STK33: variants seen among roughly 807,000 people sequenced by gnomAD.
The protein encoded by STK33 is serine/threonine-protein kinase 33.
In STK33, 52 loss-of-function variants were observed where a neutral mutation model predicts 58.0. The observed-to-expected ratio is 0.90, with a 90% CI of 0.72 to 1.13. STK33 has a LOEUF of 1.13. STK33 is among the 50% of genes most tolerant of loss of function. The probability of loss-of-function intolerance (pLI) is 0.00; values close to 1 mark genes in which losing one functional copy is unlikely to be tolerated. For synonymous variants in STK33, 215 were observed against 200.1 expected, an observed-to-expected ratio of 1.07 and a Z score of -0.63; for missense variants, 630 against 604.2, an observed-to-expected ratio of 1.04 and a Z score of -0.45.
intron 8 of STK33, among the ~76,000 whole-genome samples, chr11:8,459,351 G>A (rs1368769772): frequency 1.3e-5 from 2 of 151,972 alleles, no homozygotes; most frequent in Non-Finnish European, 1.5e-5. Flanking sequence ...ATGAGGCAGA[G>A]GGTGTCAGAC....
In STK33 at chr11:8,464,878, A is replaced by G. The variant is rs1947991864; in HGVS notation, c.340-56T>C. On this transcript the variant is annotated intron_variant, in intron 6 of 15. Coordinates refer to ENST00000687296, the MANE Select transcript of STK33 (RefSeq NM_001352389.2). The stretch of plus-strand genomic sequence containing the variant: ...CTATGCCATTCATCAGCTATTAAAA[A>G]TGAACATATAATACTGACAGATACT... The G allele has an allele frequency of 3.5e-6, 4 of 1,150,058 alleles. No individual in the cohort carries two copies. In the East Asian group the frequency reaches 9.4e-5, roughly 27 times the overall value. 71.2% of individuals were successfully genotyped at this position (1,150,058 alleles called of 1,614,324 possible). A position where few individuals can be genotyped will look rare whatever the true frequency, so the allele number is the denominator to read the frequency against.
intron 6 of STK33, chr11:8,467,127 G>C (rs1948281237): frequency 6.6e-6 from 1 of 152,196 alleles, no homozygotes; most frequent in Non-Finnish European, 1.5e-5. Flanking sequence ...ACATGCCCTG[G>C]AGACATTTTT....
intron 15 of STK33, among the ~76,000 whole-genome samples, chr11:8,398,369 T>C (rs922213375): frequency 6.6e-6 from 1 of 152,178 alleles, no homozygotes; most frequent in African/African-American, 2.4e-5. Flanking sequence ...CTAAGTTTCA[T>C]AAGTGAAAGA....
At chr11:8,570,709 G>T (rs147070208) in intron 1 of STK33, among the ~76,000 whole-genome samples, 3 of 152,194 alleles carry the variant, frequency 2.0e-5, no homozygotes, top group African/African-American at 7.2e-5. Flanking sequence ...GAGGAGGGCC[G>T]AGAGAGGCAG....
intron 1 of STK33, among the ~76,000 whole-genome samples, chr11:8,506,009 T>C (rs1167022756): frequency 1.3e-5 from 2 of 152,200 alleles, no homozygotes; most frequent in Non-Finnish European, 2.9e-5. Context: ...AAGCTTTTGG[T>C]AAACTGCAAA....
the STK33 span, among the ~76,000 whole-genome samples, chr11:8,382,425 G>A: frequency 6.6e-6 from 1 of 152,266 alleles, no homozygotes; most frequent in Non-Finnish European, 1.5e-5. Flanking sequence ...AGTGGACAAG[G>A]ACATGTGTGA....
chr11:8,558,338 A>T (rs1408469654), intron 1 of STK33, among the ~76,000 whole-genome samples: 1 of 151,958 alleles, frequency 6.6e-6, no homozygotes, highest in African/African-American at 2.4e-5. Flanking sequence ...AAATGGCACA[A>T]ACAAGGACTT....
At chr11:8,498,913 C>A (rs192498605) in intron 1 of STK33, among the ~76,000 whole-genome samples, 1 of 152,246 alleles carries the variant, frequency 6.6e-6, no homozygotes, top group East Asian at 1.9e-4. Context: ...CTTCCTTATA[C>A]CTTATACAAA....
rs145546881 is a variant in STK33 at position 8,574,342 on chromosome 11, C to T, written c.-466+19741G>A. 6.9e-3 allele frequency among the ~76,000 whole-genome samples: 1,043 copies of T among 152,054 alleles called. 12 individuals carry two copies. Among genetic ancestry groups the T allele is most frequent in the African/African-American group, 0.023 (949 of 41,446 alleles). ...TGGTTGAAGCGTGCTCAGAGTCTCC[C>T]TGTGTATTTATTTGAAACATTTTGT... is the stretch of plus-strand genomic sequence containing the variant. On this transcript the variant is annotated intron_variant, in intron 1 of 15. Transcript: ENST00000687296.
chr11:8,462,472 C>CAT lies in STK33; in HGVS notation c.454-565_454-564dup, dbSNP rs1554950292. On this transcript the variant is annotated intron_variant, in intron 7 of 15. Transcript: ENST00000687296. ...ACACACACACACACACACACACACA[C>CAT]ATATATATATATATGTATGTATGAA... is the stretch of plus-strand genomic sequence containing the variant. Among the ~76,000 whole-genome samples the CAT allele has an allele frequency of 3.0e-3, 429 of 141,868 alleles. 7 individuals carry two copies. In the East Asian group the frequency reaches 0.049, roughly 16 times the overall value. 93.1% of individuals were successfully genotyped at this position (141,868 alleles called of 152,430 possible).
chr11:8,349,317 AT>A, the STK33 span, among the ~76,000 whole-genome samples: 16 of 152,056 alleles, frequency 1.1e-4, no homozygotes, highest in Non-Finnish European at 1.5e-4. Flanking sequence ...TTATTTTCCC[AT>A]TTTTTCCCTT....
chr11:8,400,481 G>A (rs563078879), intron 15 of STK33, among the ~76,000 whole-genome samples: 1,963 of 152,174 alleles, frequency 0.013, 45 homozygotes, highest in African/African-American at 0.045. Context: ...AAAATAATAA[G>A]AGCTATCTAT....
Position 8,413,533 on chromosome 11 carries a change from C to G in STK33, c.1306G>C (p.Asp436His), listed in dbSNP as rs1564891883. The part of the protein sequence containing the change: ...KSYQPWGNVP[D>H]ANYTSDEEEE... ...TCTTCATCTGAAGTGTAATTGGCATCAGGGACATTTCCCCAGGGTTGGTAA... is the reference window on the plus strand; with the variant it reads ...TCTTCATCTGAAGTGTAATTGGCATGAGGGACATTTCCCCAGGGTTGGTAA... The change falls in exon 15 of 16, where the codon GAT becomes CAT. Residue 436 changes from aspartate to histidine, a missense_variant. Coordinates refer to ENST00000687296, the MANE Select transcript of STK33 (RefSeq NM_001352389.2). 1 of 1,614,004 alleles carries G rather than the reference C, an allele frequency of 6.2e-7. No individual in the cohort carries two copies. Among genetic ancestry groups the G allele is most frequent in the East Asian group, 2.2e-5 (1 of 44,860 alleles).
chr11:8,405,794 T>G (rs1939032652), intron 15 of STK33, among the ~76,000 whole-genome samples: 1 of 152,172 alleles, frequency 6.6e-6, no homozygotes, highest in Non-Finnish European at 1.5e-5. Context: ...CTAGCATTAT[T>G]TATTAAAAAG....
At chr11:8,459,958 C>T (rs1171277269) in intron 8 of STK33, among the ~76,000 whole-genome samples, 2 of 152,182 alleles carry the variant, frequency 1.3e-5, no homozygotes, top group African/African-American at 4.8e-5. Context: ...TTCCCATGAG[C>T]TGGAGGTAAA....
intron 14 of STK33, chr11:8,433,756 GTCA>G (rs1943695138): frequency 6.6e-6 from 1 of 151,982 alleles, no homozygotes; most frequent in Non-Finnish European, 1.5e-5. Flanking sequence ...CATCGAATCC[GTCA>G]TCAACTCCTA....
intron 1 of STK33, among the ~76,000 whole-genome samples, chr11:8,530,984 C>A (rs989243642): frequency 6.6e-6 from 1 of 152,124 alleles, no homozygotes; most frequent in Non-Finnish European, 1.5e-5. Flanking sequence ...AGCCACCACA[C>A]CCAGCCTCAA....
chr11:8,463,399 G>T (rs1051079403), intron 7 of STK33, among the ~76,000 whole-genome samples: 3 of 152,152 alleles, frequency 2.0e-5, no homozygotes, highest in African/African-American at 7.2e-5. Context: ...TGCCGCTGCT[G>T]ATCTGACAGG....
chr11:8,581,223 C>T (rs1230837632), intron 1 of STK33, among the ~76,000 whole-genome samples: 9 of 152,046 alleles, frequency 5.9e-5, no homozygotes, highest in South Asian at 2.1e-4. Flanking sequence ...TCTTAGAAAC[C>T]GATATACACA....
Sources: gnomAD v4.1 joint callset for allele counts (sites outside exome capture counted in the v4.1 genomes callset) on GRCh38, gnomAD v4.1.1 for gene constraint, MANE v1.5 for transcripts, NCBI Gene and HGNC (gene_info 2026-07-23, HGNC 2026-07-21) for gene names.